Variants in ASTN2 observed in about 807,000 individuals in gnomAD.
ASTN2 encodes the protein astrotactin 2.
In ASTN2, 54 loss-of-function variants were observed where a neutral mutation model predicts 139.8. The observed-to-expected ratio is 0.39, with a 90% CI of 0.31 to 0.48. ASTN2 has a LOEUF of 0.48. Among genes scored for constraint, ASTN2 ranks in the 20% least tolerant of loss-of-function variants. ASTN2 has a pLI of 0.95. For synonymous variants in ASTN2, 756 were observed against 719.5 expected (o/e 1.05, Z -0.81); for missense variants, 1,565 against 1,725.1 (o/e 0.91, Z 1.64).
At chr9:116,908,022 CATTTTGAGAGGCAGG>C (rs1284267705) in intron 10 of ASTN2, among the ~76,000 whole-genome samples, 1 of 152,162 alleles carries the variant, frequency 6.6e-6, no homozygotes, top group Non-Finnish European at 1.5e-5. Context: ...TCACCCCTCA[CATTTTGAGAGGCAGG>C]ATCTCTGGCT....
intron 3 of ASTN2, among the ~76,000 whole-genome samples, chr9:117,181,947 C>T (rs1263841380): frequency 6.6e-6 from 1 of 152,124 alleles, no homozygotes; most frequent in Non-Finnish European, 1.5e-5. Flanking sequence ...CTTCTCTGGC[C>T]CACTGAGCCC....
intron 17 of ASTN2, among the ~76,000 whole-genome samples, chr9:116,648,931 G>A (rs1473928404): frequency 6.6e-6 from 1 of 152,080 alleles, no homozygotes; most frequent in African/African-American, 2.4e-5. Flanking sequence ...CTACTCAGGA[G>A]GCTGAGGCAG....
chr9:116,978,054 T>G (rs940125289), intron 7 of ASTN2, among the ~76,000 whole-genome samples: 2 of 152,144 alleles, frequency 1.3e-5, no homozygotes, highest in Admixed American at 6.5e-5. Flanking sequence ...ACTGCTTTTT[T>G]CTCCAAGGTT....
intron 16 of ASTN2, among the ~76,000 whole-genome samples, chr9:116,659,756 C>T (rs1858443498): frequency 6.6e-6 from 1 of 152,156 alleles, no homozygotes; most frequent in African/African-American, 2.4e-5. Context: ...CTAAAGGTCA[C>T]CTGGTCAGAA....
At chr9:116,820,130 C>G (rs1464748281) in intron 12 of ASTN2, among the ~76,000 whole-genome samples, 3 of 152,210 alleles carry the variant, frequency 2.0e-5, no homozygotes, top group African/African-American at 7.2e-5. Context: ...ATTGTCCTTA[C>G]AGATACGGAC....
At chr9:116,472,543 A>G (rs1848844665) in intron 20 of ASTN2, among the ~76,000 whole-genome samples, 1 of 152,200 alleles carries the variant, frequency 6.6e-6, no homozygotes. Context: ...CAGCTTGGTC[A>G]CTGCCTAAGA....
intron 19 of ASTN2, among the ~76,000 whole-genome samples, chr9:116,580,394 C>T (rs947753394): frequency 6.6e-6 from 1 of 152,104 alleles, no homozygotes; most frequent in Non-Finnish European, 1.5e-5. Context: ...AGATTCATCC[C>T]ACATCAAGGA....
At chr9:117,329,485 T>C (rs1253302529) in intron 1 of ASTN2, among the ~76,000 whole-genome samples, 1 of 151,896 alleles carries the variant, frequency 6.6e-6, no homozygotes. Flanking sequence ...CCCTTGAAGG[T>C]AGAGACTAAG....
intron 1 of ASTN2, among the ~76,000 whole-genome samples, chr9:117,325,280 T>C (rs1377823496): frequency 6.6e-6 from 1 of 152,112 alleles, no homozygotes; most frequent in Non-Finnish European, 1.5e-5. Flanking sequence ...ATTATCCACA[T>C]GGGGATGTCT....
At chr9:116,760,022 A>G (rs1335033096) in intron 13 of ASTN2, among the ~76,000 whole-genome samples, 1 of 152,198 alleles carries the variant, frequency 6.6e-6, no homozygotes, top group Non-Finnish European at 1.5e-5. Flanking sequence ...GAAGTGCCAG[A>G]CCTGAGGCTT....
At chr9:117,329,128 G>C (rs1732797549) in intron 1 of ASTN2, among the ~76,000 whole-genome samples, 1 of 150,222 alleles carries the variant, frequency 6.7e-6, no homozygotes, top group Non-Finnish European at 1.5e-5. Flanking sequence ...CTAGGAAGCA[G>C]CTGTTGCACC....
intron 10 of ASTN2, among the ~76,000 whole-genome samples, chr9:116,902,805 G>A (rs1290616281): frequency 6.6e-6 from 1 of 152,276 alleles, no homozygotes; most frequent in Admixed American, 6.5e-5. Flanking sequence ...GGTAGATACT[G>A]TTCCTTATCT....
chr9:117,317,997 G>A (rs1323654264), intron 1 of ASTN2, among the ~76,000 whole-genome samples: 1 of 152,234 alleles, frequency 6.6e-6, no homozygotes, highest in African/African-American at 2.4e-5. Context: ...AGATCCAAGG[G>A]TATCAGCCCT....
chr9:116,915,971 G>A (rs1834435700), intron 10 of ASTN2, among the ~76,000 whole-genome samples: 1 of 152,290 alleles, frequency 6.6e-6, no homozygotes, highest in East Asian at 1.9e-4. Flanking sequence ...TGTGTCAGGT[G>A]TCTGAAGTGA....
chr9:117,045,766 C>T (rs1433152108), intron 5 of ASTN2, among the ~76,000 whole-genome samples: 1 of 152,154 alleles, frequency 6.6e-6, no homozygotes, highest in Non-Finnish European at 1.5e-5. Flanking sequence ...AGCTGGTACA[C>T]TCCCATTGAC....
At chr9:116,653,799 T>C (rs376445669) in intron 16 of ASTN2, among the ~76,000 whole-genome samples, 2 of 152,236 alleles carry the variant, frequency 1.3e-5, no homozygotes, top group Admixed American at 6.5e-5. Flanking sequence ...CCCTCAGGCC[T>C]GGAATCTGGC....
intron 4 of ASTN2, among the ~76,000 whole-genome samples, chr9:117,121,365 G>C (rs1368564461): frequency 1.3e-5 from 2 of 152,204 alleles, no homozygotes; most frequent in Non-Finnish European, 1.5e-5. Context: ...GAAAATTTTA[G>C]AGTTCAGCAG....
chr9:117,057,457 AT>A (rs1363552405), intron 5 of ASTN2, among the ~76,000 whole-genome samples: 1 of 152,186 alleles, frequency 6.6e-6, no homozygotes, highest in East Asian at 1.9e-4. Context: ...TGTTAAATTT[AT>A]GGGACAGCAA....
chr9:117,404,853 G>GA (rs1001156672), intron 1 of ASTN2, among the ~76,000 whole-genome samples: 6 of 151,710 alleles, frequency 4.0e-5, no homozygotes, highest in South Asian at 2.1e-4. Context: ...AGAAAAGGGG[G>GA]AAAAAAAAGA....
Sources: gnomAD v4.1 joint callset for allele counts (sites outside exome capture counted in the v4.1 genomes callset) on GRCh38, gnomAD v4.1.1 for gene constraint, MANE v1.5 for transcripts, NCBI Gene and HGNC (gene_info 2026-07-23, HGNC 2026-07-21) for gene names.